The following SGCZ variants were observed in gnomAD, a reference collection of about 807,000 sequenced individuals.
SGCZ encodes the protein zeta-sarcoglycan.
A neutral mutation model predicts 41.3 loss-of-function variants in SGCZ; 40 were observed. That is an observed-to-expected ratio of 0.97 (90% CI 0.75 to 1.26). The LOEUF is 1.26. Among genes scored for constraint, SGCZ ranks in the 50% most tolerant of loss-of-function variants. The probability of loss-of-function intolerance (pLI) is 0.00; values close to 1 mark genes in which losing one functional copy is unlikely to be tolerated. For missense variants in SGCZ, 552 were observed against 369.8 expected (o/e 1.49, Z -4.04); for synonymous variants, 206 against 137.5 (o/e 1.50, Z -3.49).
chr8:14,775,430 T>C (rs1800371918), intron 1 of SGCZ, among the ~76,000 whole-genome samples: 1 of 151,358 alleles, frequency 6.6e-6, no homozygotes, highest in Admixed American at 6.6e-5. Flanking sequence ...CCCCACTCTG[T>C]GTATGACAGT....
At chr8:14,627,216 G>C (rs1390514533) in intron 1 of SGCZ, among the ~76,000 whole-genome samples, 1 of 152,092 alleles carries the variant, frequency 6.6e-6, no homozygotes, top group African/African-American at 2.4e-5. Context: ...TTTGATCTTG[G>C]TTGTACACGA....
intron 4 of SGCZ, among the ~76,000 whole-genome samples, chr8:14,205,552 C>G (rs1411876417): frequency 6.6e-6 from 1 of 152,080 alleles, no homozygotes; most frequent in African/African-American, 2.4e-5. Context: ...CACTACAGTT[C>G]AGGGCTGAAA....
intron 1 of SGCZ, among the ~76,000 whole-genome samples, chr8:14,639,995 C>T (rs78735285): frequency 0.11 from 16,284 of 151,632 alleles, 1,057 homozygotes; most frequent in African/African-American, 0.19. Flanking sequence ...TACTTGTCAT[C>T]AATCACATTA....
chr8:14,791,547 T>C (rs1800953838), intron 1 of SGCZ, among the ~76,000 whole-genome samples: 1 of 152,112 alleles, frequency 6.6e-6, no homozygotes, highest in Non-Finnish European at 1.5e-5. Flanking sequence ...CTAATAGAAG[T>C]TTCTAGAGCT....
rs186169387 is a variant in SGCZ, at chr8:14,389,038, G to A, written c.235-64834C>T. Among the ~76,000 whole-genome samples the A allele has an allele frequency of 2.6e-5, 4 of 151,842 alleles. No individual in the cohort carries two copies. In the East Asian group the frequency reaches 7.7e-4, roughly 29 times the overall value. ...AAAGACACTATGAGATATAAAGTAG[G>A]AGACATTCAAAACCACCAATTTTAA... On this transcript the variant is annotated intron_variant, in intron 2 of 7. Coordinates refer to ENST00000382080, the MANE Select transcript of SGCZ (RefSeq NM_139167.4).
chr8:15,201,636 T>C (rs993810641), intron 1 of SGCZ, among the ~76,000 whole-genome samples: 2 of 152,218 alleles, frequency 1.3e-5, no homozygotes, highest in South Asian at 4.1e-4. Context: ...TTCAATGGCT[T>C]GTGAAACTGC....
rs71209038 is a variant in SGCZ, at chr8:14,289,218, A to AT, written c.336+34884dup. Reference sequence around the variant, plus strand: ...TGAAAATATTTTCTCACATAGTAGGATTTTTTTTTTACTTTCTTGATACTG... The same window carrying AT: ...TGAAAATATTTTCTCACATAGTAGGATTTTTTTTTTTACTTTCTTGATACTG... On this transcript the variant is annotated intron_variant, in intron 3 of 7. Transcript: ENST00000382080. Among the ~76,000 whole-genome samples, 1,270 of 149,492 alleles carry AT rather than the reference A, an allele frequency of 8.5e-3. 11 individuals are homozygous for AT. Among genetic ancestry groups the AT allele is most frequent in the African/African-American group, 0.025 (1,039 of 40,850 alleles).
At chr8:15,038,241 G>C (rs924835702) in intron 1 of SGCZ, among the ~76,000 whole-genome samples, 5 of 152,072 alleles carry the variant, frequency 3.3e-5, no homozygotes, top group Admixed American at 6.6e-5. Context: ...CAGCATGGTA[G>C]TGGCATAGAA....
At position 14,472,280 on chromosome 8, in the gene SGCZ, T is replaced by TA. The variant is rs961127983; in HGVS notation, c.234+82451_234+82452insT. ...TATCTTTATTTAAAGGTAAATAAGG[T>TA]TTAATTAAAGGCTTATATTTTATTT... On this transcript the variant is annotated intron_variant, in intron 2 of 7. Coordinates refer to ENST00000382080, the MANE Select transcript of SGCZ (RefSeq NM_139167.4). 3.9e-4 allele frequency among the ~76,000 whole-genome samples: 59 copies of TA among 152,068 alleles called. 1 individual carries two copies. The highest frequency in any genetic ancestry group is 1.3e-3 in the African/African-American group (56 of 41,520).
intron 3 of SGCZ, among the ~76,000 whole-genome samples, chr8:14,323,341 AC>A (rs1439813351): frequency 3.9e-5 from 6 of 152,054 alleles, no homozygotes; most frequent in Non-Finnish European, 7.4e-5. Context: ...AAAAAGTATA[AC>A]CTTTTTTCCC....
chr8:15,187,896 A>G (rs942583497), intron 1 of SGCZ, among the ~76,000 whole-genome samples: 1 of 152,012 alleles, frequency 6.6e-6, no homozygotes, highest in Non-Finnish European at 1.5e-5. Flanking sequence ...ACCAAATACT[A>G]TTTATGAAAA....
chr8:14,708,718 T>C (rs953211788), intron 1 of SGCZ, among the ~76,000 whole-genome samples: 1 of 152,120 alleles, frequency 6.6e-6, no homozygotes, highest in Non-Finnish European at 1.5e-5. Context: ...TTTAGCTTTT[T>C]ATCATAATAG....
At chr8:14,237,824 G>A (rs182184376) in intron 3 of SGCZ, 145 bp from the exon 4 acceptor site, 15 of 625,982 alleles carry the variant, frequency 2.4e-5, no homozygotes, top group African/African-American at 1.9e-4. Context: ...CCAATCATTG[G>A]TGGACAATGT....
rs191457399 is a variant in SGCZ at position 14,715,440 on chromosome 8, C to A, written c.40-160514G>T. 8.6e-4 allele frequency among the ~76,000 whole-genome samples: 131 copies of A among 152,094 alleles called. 1 individual carries two copies. The highest frequency in any genetic ancestry group is 3.0e-3 in the African/African-American group (125 of 41,492). On this transcript the variant is annotated intron_variant, in intron 1 of 7. Transcript: ENST00000382080. Reference sequence around the variant, plus strand: ...TAAATTCACAAAGGTATCTGCCCACCTATCTATGGCATAAAGGTTGCATGT... The same window carrying A: ...TAAATTCACAAAGGTATCTGCCCACATATCTATGGCATAAAGGTTGCATGT...
At chr8:14,273,498 C>T (rs560656699) in intron 3 of SGCZ, among the ~76,000 whole-genome samples, 69 of 152,218 alleles carry the variant, frequency 4.5e-4, no homozygotes, top group African/African-American at 1.5e-3. Flanking sequence ...AGTGCTCATC[C>T]GATCTTCTGA....
intron 2 of SGCZ, among the ~76,000 whole-genome samples, chr8:14,458,121 A>G (rs1800802254): frequency 6.6e-6 from 1 of 152,212 alleles, no homozygotes; most frequent in Admixed American, 6.5e-5. Context: ...ATGTGTTTGT[A>G]TAGTTATGAC....
chr8:14,138,513 A>C (rs1211906522), intron 5 of SGCZ, among the ~76,000 whole-genome samples: 36 of 89,562 alleles, frequency 4.0e-4, no homozygotes, highest in Admixed American at 6.1e-4. Context: ...AAGGGAAAAC[A>C]AAAAAAAAAA....
intron 1 of SGCZ, among the ~76,000 whole-genome samples, chr8:14,938,392 C>T (rs1800154909): frequency 6.6e-6 from 1 of 152,240 alleles, no homozygotes; most frequent in East Asian, 1.9e-4. Flanking sequence ...CCTCCTCCTG[C>T]TCAGCTTACT....
chr8:14,569,726 C>G (rs532114060), intron 1 of SGCZ, among the ~76,000 whole-genome samples: 3 of 152,110 alleles, frequency 2.0e-5, no homozygotes, highest in Non-Finnish European at 4.4e-5. Flanking sequence ...GATAGGGCAG[C>G]CTGTCGAGGC....
Sources: allele counts gnomAD v4.1 joint callset (sites outside exome capture counted in the v4.1 genomes callset), GRCh38; gene constraint gnomAD v4.1.1; transcripts MANE v1.5; gene names NCBI Gene and HGNC (gene_info 2026-07-23, HGNC 2026-07-21).